TMPRSS9: variants seen among roughly 807,000 people sequenced by gnomAD.
The protein encoded by TMPRSS9 is transmembrane serine protease 9, also known as transmembrane protease serine 9.
TMPRSS9 carries 113 observed loss-of-function variants against 111.4 expected under a neutral mutation model. That is an observed-to-expected ratio of 1.01 (90% CI 0.87 to 1.19). The LOEUF is 1.19. Among genes scored for constraint, TMPRSS9 ranks in the 50% most tolerant of loss-of-function variants. The pLI, the probability that TMPRSS9 is intolerant of heterozygous loss-of-function variation, is 0.00. For missense variants in TMPRSS9, 1,803 were observed against 1,513.1 expected, an observed-to-expected ratio of 1.19 and a Z score of -3.18; for synonymous variants, 805 against 659.1, an observed-to-expected ratio of 1.22 and a Z score of -3.39.
intron 1 of TMPRSS9, among the ~76,000 whole-genome samples, chr19:2,394,923 T>C (rs1970676563): frequency 6.6e-6 from 1 of 152,166 alleles, no homozygotes; most frequent in Non-Finnish European, 1.5e-5. Context: ...AGCATAGGAA[T>C]TTTTTATGAC....
chr19:2,402,607 G>C (rs982833155), intron 5 of TMPRSS9, among the ~76,000 whole-genome samples: 1 of 151,770 alleles, frequency 6.6e-6, no homozygotes, highest in African/African-American at 2.4e-5. Context: ...GCGTGGTGGG[G>C]CGTGCCTGTA....
At chr19:2,380,172 G>C (rs1970375416) in intron 1 of TMPRSS9, among the ~76,000 whole-genome samples, 1 of 152,074 alleles carries the variant, frequency 6.6e-6, no homozygotes, top group African/African-American at 2.4e-5. Flanking sequence ...ATCATGCAGA[G>C]AGTCATGAGA....
intron 11 of TMPRSS9, chr19:2,416,095 C>T: frequency 2.2e-6 from 1 of 448,180 alleles, no homozygotes; most frequent in Non-Finnish European, 3.9e-6. Flanking sequence ...TGGAGATTCC[C>T]AGGCATGGTG....
intron 1 of TMPRSS9, among the ~76,000 whole-genome samples, chr19:2,381,543 T>A (rs1208890881): frequency 6.6e-6 from 1 of 152,034 alleles, no homozygotes; most frequent in Non-Finnish European, 1.5e-5. Context: ...GAAAGTGTGG[T>A]GCAGCTTCAC....
intron 1 of TMPRSS9, among the ~76,000 whole-genome samples, chr19:2,392,926 G>A (rs1233619047): frequency 6.6e-6 from 1 of 152,124 alleles, no homozygotes; most frequent in African/African-American, 2.4e-5. Context: ...CTAATCTAGT[G>A]GGGACTTGGA....
At chr19:2,396,539 C>T (rs777117015) in exon 2 of TMPRSS9, 2 of 1,602,586 alleles carry the variant, frequency 1.2e-6, no homozygotes, top group African/African-American at 1.3e-5. Flanking sequence ...TCGTCCCCAG[C>T]CTTCCTCTCT....
chr19:2,379,181 C>T (rs112478689), intron 1 of TMPRSS9, among the ~76,000 whole-genome samples: 4,183 of 99,440 alleles, frequency 0.042, 169 homozygotes, highest in African/African-American at 0.058. Context: ...GCTTCTTTCT[C>T]TTTTTTTTTT....
intron 1 of TMPRSS9, among the ~76,000 whole-genome samples, chr19:2,365,985 T>C (rs180998091): frequency 6.7e-6 from 1 of 149,414 alleles, no homozygotes; most frequent in Non-Finnish European, 1.5e-5. Flanking sequence ...ATAAATAATT[T>C]TAAAAAAGAG....
intron 13 of TMPRSS9, 25 bp downstream of exon 14, chr19:2,418,163 G>C (rs751046434): frequency 6.3e-7 from 1 of 1,581,254 alleles, no homozygotes; most frequent in South Asian, 1.1e-5. Flanking sequence ...GGGGAAAGCG[G>C]GCAATATTTC....
chr19:2,414,229 C>A, intron 10 of TMPRSS9: 1 of 529,508 alleles, frequency 1.9e-6, no homozygotes, highest in Non-Finnish European at 3.2e-6. Flanking sequence ...CTATGGCGAT[C>A]TATCAATGGG....
chr19:2,410,415 A>T, intron 9 of TMPRSS9, 21 bp downstream of exon 10: 1 of 1,612,318 alleles, frequency 6.2e-7, no homozygotes, highest in Non-Finnish European at 8.5e-7. Flanking sequence ...GATGCCCCAG[A>T]CCCCAGAAAA....
chr19:2,420,947 G>GT (rs1971450389), intron 13 of TMPRSS9, among the ~76,000 whole-genome samples: 2 of 152,136 alleles, frequency 1.3e-5, no homozygotes, highest in South Asian at 4.1e-4. Flanking sequence ...GCTCACATCT[G>GT]TAATCCCAGC....
chr19:2,424,070 G>A lies in TMPRSS9; in HGVS notation c.2549-19G>A. 1 of 1,260,340 alleles carries A rather than the reference G, an allele frequency of 7.9e-7. No individual in the cohort carries two copies. Among genetic ancestry groups the A allele is most frequent in the South Asian group, 2.8e-5 (1 of 35,368 alleles). The allele number at this position is 1,260,340 out of a possible 1,614,324, so 78.1% of individuals were successfully genotyped here. On this transcript the variant is annotated intron_variant, in intron 14 of 17. Transcript: ENST00000648592. ...AGGTGCCCTGGGTCCGCCTGCCCAC[G>A]CGCCTGGCTCCCCCGCAGACTGTGG... is the stretch of plus-strand genomic sequence containing the variant.
chr19:2,419,170 C>T (rs1332053751), intron 13 of TMPRSS9, among the ~76,000 whole-genome samples: 1 of 108,768 alleles, frequency 9.2e-6, no homozygotes, highest in Admixed American at 9.8e-5. Flanking sequence ...ACCTTTCCTT[C>T]CTTTCCTTTC....
At chr19:2,362,437 G>T (rs983359210) in intron 1 of TMPRSS9, among the ~76,000 whole-genome samples, 2 of 152,104 alleles carry the variant, frequency 1.3e-5, no homozygotes, top group Non-Finnish European at 2.9e-5. Flanking sequence ...GACTGCATGT[G>T]TGAGACCGTG....
At chr19:2,399,293 AAAC>A in intron 4 of TMPRSS9, 100 bp downstream of exon 5, 2 of 1,429,726 alleles carry the variant, frequency 1.4e-6, no homozygotes, top group Non-Finnish European at 1.8e-6. Context: ...CATAAAAAGA[AAAC>A]AAACTGGCCG....
intron 1 of TMPRSS9, among the ~76,000 whole-genome samples, chr19:2,391,362 G>GTTTTTTTTTTTTTT (rs372470176): frequency 7.0e-6 from 1 of 142,778 alleles, no homozygotes; most frequent in African/African-American, 2.6e-5. Context: ...ATCCTCCTAG[G>GTTTTTTTTTTTTTT]TTTTTTTTTT....
chr19:2,395,901 G>A (rs570452508), intron 1 of TMPRSS9, among the ~76,000 whole-genome samples: 16 of 151,466 alleles, frequency 1.1e-4, no homozygotes, highest in Non-Finnish European at 2.4e-4. Context: ...CCAGCTACTC[G>A]GGAGGCTGAG....
intron 1 of TMPRSS9, among the ~76,000 whole-genome samples, chr19:2,373,526 A>G (rs1211183002): frequency 6.6e-6 from 1 of 151,774 alleles, no homozygotes; most frequent in Non-Finnish European, 1.5e-5. Context: ...CACCATGCCC[A>G]GCTAATTTTT....
Sources: allele counts gnomAD v4.1 joint callset (sites outside exome capture counted in the v4.1 genomes callset), GRCh38; gene constraint gnomAD v4.1.1; transcripts MANE v1.5; gene names NCBI Gene and HGNC (gene_info 2026-07-23, HGNC 2026-07-21).